The following GNB4 variants were observed in gnomAD, a reference collection of about 807,000 sequenced individuals.
GNB4 encodes the protein G protein subunit beta 4, also known as guanine nucleotide-binding protein subunit beta-4.
Under a neutral mutation model 45.2 loss-of-function variants are expected in GNB4, and 28 were observed. The ratio of observed to expected loss-of-function variants is 0.62; its 90% confidence interval spans 0.46 to 0.85. The LOEUF is 0.85. Ranked by LOEUF, GNB4 falls within the 40% of genes least tolerant of loss-of-function variation. GNB4 has a pLI of 0.00. For missense variants in GNB4, 321 were observed against 425.4 expected (o/e 0.75, Z 2.16); for synonymous variants, 132 against 143.7 (o/e 0.92, Z 0.58).
At chr3:179,468,035 AAT>A in the GNB4 span, among the ~76,000 whole-genome samples, 5 of 89,800 alleles carry the variant, frequency 5.6e-5, no homozygotes, top group Admixed American at 1.1e-4. Flanking sequence ...TGTTGATAAA[AAT>A]ATATATATAT....
chr3:179,522,404 C>G, the GNB4 span, among the ~76,000 whole-genome samples: 1 of 152,114 alleles, frequency 6.6e-6, no homozygotes, highest in South Asian at 2.1e-4. Flanking sequence ...GGACTCAGCC[C>G]GCCTGCACCC....
chr3:179,445,401 T>C (rs1426748344), intron 1 of GNB4, among the ~76,000 whole-genome samples: 1 of 152,108 alleles, frequency 6.6e-6, no homozygotes, highest in African/African-American at 2.4e-5. Flanking sequence ...CTTCCTACCC[T>C]AGCCTTCCGA....
the GNB4 span, among the ~76,000 whole-genome samples, chr3:179,522,069 A>T: frequency 6.6e-6 from 1 of 152,166 alleles, no homozygotes; most frequent in Non-Finnish European, 1.5e-5. Context: ...TATTAATATA[A>T]GAAGACAGGA....
At chr3:179,519,421 C>T in the GNB4 span, among the ~76,000 whole-genome samples, 1 of 152,300 alleles carries the variant, frequency 6.6e-6, no homozygotes, top group South Asian at 2.1e-4. Flanking sequence ...GTAAGTCCAT[C>T]CCCTTTTTAA....
chr3:179,440,519 A>G (rs561260831), intron 1 of GNB4, among the ~76,000 whole-genome samples: 1 of 152,252 alleles, frequency 6.6e-6, no homozygotes, highest in East Asian at 1.9e-4. Context: ...ATGTTTTATT[A>G]TTTTTTTCAA....
At chr3:179,433,365 G>C (rs1715360554) in intron 1 of GNB4, among the ~76,000 whole-genome samples, 2 of 152,068 alleles carry the variant, frequency 1.3e-5, no homozygotes, top group Admixed American at 6.6e-5. Context: ...CCACCACACA[G>C]ACACATCCAC....
At chr3:179,472,893 G>A in the GNB4 span, among the ~76,000 whole-genome samples, 2 of 152,328 alleles carry the variant, frequency 1.3e-5, no homozygotes, top group Middle Eastern at 3.4e-3. Context: ...GCCGGGCGCG[G>A]TGGCTCACGC....
intron 1 of GNB4, among the ~76,000 whole-genome samples, chr3:179,428,912 A>T (rs1244528198): frequency 6.6e-6 from 1 of 152,200 alleles, no homozygotes; most frequent in African/African-American, 2.4e-5. Flanking sequence ...ATAAACTATG[A>T]TCTGTACCAA....
chr3:179,405,733 G>T (rs1014907403), intron 8 of GNB4: 5 of 191,350 alleles, frequency 2.6e-5, no homozygotes, highest in Non-Finnish European at 4.3e-5. Flanking sequence ...ATGTGTGTGT[G>T]TGTGGCTGTT....
At chr3:179,442,555 T>A (rs1468896053) in intron 1 of GNB4, among the ~76,000 whole-genome samples, 2 of 152,178 alleles carry the variant, frequency 1.3e-5, no homozygotes, top group Non-Finnish European at 2.9e-5. Context: ...TCAAGCATTA[T>A]TATCTCTTGG....
the GNB4 span, among the ~76,000 whole-genome samples, chr3:179,482,082 TTG>T: frequency 1.3e-5 from 2 of 152,026 alleles, no homozygotes; most frequent in Non-Finnish European, 2.9e-5. Context: ...TTTGTGTTTT[TTG>T]TAGAGACGGG....
chr3:179,405,050 A>C (rs1254622847), intron 9 of GNB4, 140 bp downstream of exon 9: 1 of 572,184 alleles, frequency 1.7e-6, no homozygotes, highest in Non-Finnish European at 3.0e-6. Flanking sequence ...AACAAAAGGT[A>C]ACAACAAAGA....
chr3:179,496,263 A>G, the GNB4 span, among the ~76,000 whole-genome samples: 4 of 152,178 alleles, frequency 2.6e-5, no homozygotes, highest in Non-Finnish European at 5.9e-5. Flanking sequence ...GACTGTTATA[A>G]CTATGTTTCC....
chr3:179,403,555 G>A lies in GNB4; in HGVS notation c.916+1635C>T, dbSNP rs62408883. Among the ~76,000 whole-genome samples the A allele has an allele frequency of 2.6e-3, 397 of 152,272 alleles. 1 individual carries two copies. Among genetic ancestry groups the A allele is most frequent in the Non-Finnish European group, 4.1e-3 (280 of 68,022 alleles). On this transcript the variant is annotated intron_variant, in intron 9 of 9. Transcript: ENST00000232564. ...CGCCTGTAATCCCAGCACTTTGGGA[G>A]GCTGAGGTGGGCAGATCACCTGAGG...
intron 1 of GNB4, among the ~76,000 whole-genome samples, chr3:179,429,841 A>G (rs1715253458): frequency 6.6e-6 from 1 of 152,190 alleles, no homozygotes; most frequent in Non-Finnish European, 1.5e-5. Context: ...ACAGCTTTGT[A>G]TGCACTGCTT....
chr3:179,485,003 TTG>T, the GNB4 span, among the ~76,000 whole-genome samples: 12 of 64,472 alleles, frequency 1.9e-4, no homozygotes, highest in East Asian at 2.4e-3. Flanking sequence ...TTTTTTCGTT[TTG>T]TTTTTTTTTT....
At chr3:179,451,146 G>A (rs1387600828) in intron 1 of GNB4, 200 bp downstream of exon 1, 3 of 152,074 alleles carry the variant, frequency 2.0e-5, no homozygotes, top group Non-Finnish European at 2.9e-5. Context: ...CGTGGCAGCT[G>A]GGCGCGACAC....
At chr3:179,436,648 G>A (rs1382993430) in intron 1 of GNB4, among the ~76,000 whole-genome samples, 1 of 151,958 alleles carries the variant, frequency 6.6e-6, no homozygotes, top group East Asian at 1.9e-4. Flanking sequence ...CACCCCAAGT[G>A]TTCCATACAA....
the GNB4 span, among the ~76,000 whole-genome samples, chr3:179,474,430 G>A: frequency 6.6e-6 from 1 of 152,084 alleles, no homozygotes; most frequent in Admixed American, 6.5e-5. Context: ...TACCATGTTG[G>A]CCAGGCTGGT....
Sources: allele counts gnomAD v4.1 joint callset (sites outside exome capture counted in the v4.1 genomes callset), GRCh38; gene constraint gnomAD v4.1.1; transcripts MANE v1.5; gene names NCBI Gene and HGNC (gene_info 2026-07-23, HGNC 2026-07-21).